Variants in TBC1D32 observed in about 807,000 individuals in gnomAD.
TBC1D32 encodes protein broad-minded.
A neutral mutation model predicts 170.3 loss-of-function variants in TBC1D32; 151 were observed. The observed-to-expected ratio is 0.89, with a 90% CI of 0.78 to 1.01. The LOEUF is 1.01. TBC1D32 is among the 50% of genes least tolerant of loss of function. TBC1D32 has a pLI of 0.00. For missense variants in TBC1D32, 1,464 were observed against 1,457.1 expected (o/e 1.00, Z -0.08); for synonymous variants, 498 against 488.0 (o/e 1.02, Z -0.27).
chr6:121,309,153 T>C (rs1241181947), intron 4 of TBC1D32, among the ~76,000 whole-genome samples: 6 of 152,194 alleles, frequency 3.9e-5, no homozygotes, highest in Non-Finnish European at 7.3e-5. Flanking sequence ...ACTTTATTTG[T>C]GATAGGCAGC....
intron 29 of TBC1D32, among the ~76,000 whole-genome samples, chr6:121,106,793 A>G (rs1030966464): frequency 6.6e-6 from 1 of 151,982 alleles, no homozygotes; most frequent in African/African-American, 2.4e-5. Flanking sequence ...GTTTATTTCC[A>G]TATAATTTTA....
chr6:121,180,191 T>C (rs141425987), intron 22 of TBC1D32, among the ~76,000 whole-genome samples: 3 of 152,202 alleles, frequency 2.0e-5, no homozygotes, highest in East Asian at 3.9e-4. Flanking sequence ...CTCAATACAA[T>C]GATAATTAAA....
chr6:121,200,618 G>T (rs1383375117), intron 22 of TBC1D32, among the ~76,000 whole-genome samples: 1 of 151,482 alleles, frequency 6.6e-6, no homozygotes, highest in East Asian at 1.9e-4. Context: ...GAAAGTAGAA[G>T]AAAATAATAC....
rs1174849317 is a variant in TBC1D32 at position 121,242,182 on chromosome 6, G to T, written c.2157+19C>A. 1.2e-6 allele frequency: 2 copies of T among 1,605,394 alleles called. No individual in the cohort carries two copies. Among genetic ancestry groups the T allele is most frequent in the African/African-American group, 1.3e-5 (1 of 74,482 alleles). On this transcript the variant is annotated intron_variant, in intron 18 of 31. Transcript: ENST00000398212. ...AACCACAAAAATTCCCTTTGCCTTT[G>T]GCAGATGGTAATTCATACCTGTAAT...
At chr6:121,150,890 C>CT (rs140518198) in intron 24 of TBC1D32, among the ~76,000 whole-genome samples, 103,931 of 151,814 alleles carry the variant, frequency 0.68, 40,800 homozygotes, top group Non-Finnish European at 0.87. Flanking sequence ...TGATTCTTCT[C>CT]TTTTTTCTTC....
rs191562067 is a variant in TBC1D32, at chr6:121,215,291, C to G, written c.2481+7945G>C. Among the ~76,000 whole-genome samples, 37 of 152,344 alleles carry G rather than the reference C, an allele frequency of 2.4e-4. No individual in the cohort carries two copies. In the East Asian group the frequency reaches 7.1e-3, roughly 29 times the overall value. On this transcript the variant is annotated intron_variant, in intron 21 of 31. Transcript: ENST00000398212. Reference sequence around the variant, plus strand: ...ACCATGGCTTGAAGGTGGGGCTTCACCAGGGATCCACCACTATCTACCCAC... The same window carrying G: ...ACCATGGCTTGAAGGTGGGGCTTCAGCAGGGATCCACCACTATCTACCCAC...
chr6:121,272,201 G>A (rs891739869), intron 15 of TBC1D32, among the ~76,000 whole-genome samples: 1 of 152,080 alleles, frequency 6.6e-6, no homozygotes, highest in African/African-American at 2.4e-5. Context: ...ACATGGGCAA[G>A]GACTTCATGA....
chr6:121,316,768 G>A (rs1808987794), intron 3 of TBC1D32, among the ~76,000 whole-genome samples: 1 of 152,076 alleles, frequency 6.6e-6, no homozygotes, highest in African/African-American at 2.4e-5. Flanking sequence ...TTGGTATATG[G>A]TTAGGATCTA....
At chr6:121,101,700 C>G (rs1193756601) in intron 30 of TBC1D32, among the ~76,000 whole-genome samples, 2 of 152,258 alleles carry the variant, frequency 1.3e-5, no homozygotes, top group African/African-American at 4.8e-5. Context: ...CCCTCTCTCA[C>G]CACTCCTATT....
chr6:121,097,692 G>A (rs1295966330), intron 30 of TBC1D32, among the ~76,000 whole-genome samples: 1 of 152,068 alleles, frequency 6.6e-6, no homozygotes, highest in African/African-American at 2.4e-5. Context: ...CCCATTACTG[G>A]TTATATACTG....
chr6:121,197,513 T>C (rs1790892865), intron 22 of TBC1D32, among the ~76,000 whole-genome samples: 1 of 152,210 alleles, frequency 6.6e-6, no homozygotes, highest in Admixed American at 6.5e-5. Flanking sequence ...TGTATACACT[T>C]GTACTAAGAC....
chr6:121,281,556 C>G lies in TBC1D32; in HGVS notation c.1596G>C (p.Met532Ile). 6.2e-7 allele frequency: 1 copy of G among 1,605,514 alleles called. No homozygotes were observed. Among genetic ancestry groups the G allele is most frequent in the Non-Finnish European group, 8.5e-7 (1 of 1,175,416 alleles). The change falls in exon 14 of 32, where the codon ATG (methionine) becomes ATC (isoleucine). Residue 532 changes from methionine to isoleucine, a missense_variant. This residue lies in a region of TBC1D32 where 1,363 missense variants were observed against 1,338.1 expected (regional missense o/e 1.02). Transcript: ENST00000398212. ...AAATAATACGAACCTCATTTCCTTT[C>G]ATTAAATTGTGAATAGGCTGAAGAA... is the stretch of plus-strand genomic sequence containing the variant. Reference protein sequence around the residue: ...ETLLQPIHNLMKGNEASPNCS... With the variant: ...ETLLQPIHNLIKGNEASPNCS...
At chr6:121,191,095 C>T (rs1438322050) in intron 22 of TBC1D32, among the ~76,000 whole-genome samples, 4 of 151,714 alleles carry the variant, frequency 2.6e-5, no homozygotes, top group South Asian at 4.2e-4. Context: ...GGTTAAGATA[C>T]ATATGCATGT....
intron 15 of TBC1D32, among the ~76,000 whole-genome samples, chr6:121,269,300 T>C (rs1207945027): frequency 6.6e-6 from 1 of 152,112 alleles, no homozygotes; most frequent in East Asian, 1.9e-4. Context: ...ATGCTCCAAT[T>C]AAAAGACATA....
intron 1 of TBC1D32, among the ~76,000 whole-genome samples, chr6:121,333,646 G>C (rs1440776131): frequency 6.6e-6 from 1 of 152,198 alleles, no homozygotes; most frequent in Non-Finnish European, 1.5e-5. Flanking sequence ...ATACTGACAG[G>C]AATCCCTTGA....
chr6:121,172,290 C>T (rs1239547963), intron 22 of TBC1D32, among the ~76,000 whole-genome samples: 1 of 152,110 alleles, frequency 6.6e-6, no homozygotes, highest in Non-Finnish European at 1.5e-5. Flanking sequence ...TTTTGGGCTC[C>T]TCCTACCTTT....
At chr6:121,153,904 C>A (rs1784514177) in intron 24 of TBC1D32, among the ~76,000 whole-genome samples, 1 of 152,060 alleles carries the variant, frequency 6.6e-6, no homozygotes, top group South Asian at 2.1e-4. Flanking sequence ...GAATTTCAAG[C>A]CAGTAGATCT....
chr6:121,241,157 A>T (rs1398657412), intron 19 of TBC1D32, among the ~76,000 whole-genome samples: 2 of 152,130 alleles, frequency 1.3e-5, no homozygotes, highest in Non-Finnish European at 2.9e-5. Context: ...TATTCTTCTG[A>T]TTTATAAGAT....
intron 15 of TBC1D32, among the ~76,000 whole-genome samples, chr6:121,274,010 A>G (rs191558495): frequency 3.9e-4 from 59 of 152,210 alleles, no homozygotes; most frequent in African/African-American, 1.3e-3. Flanking sequence ...TCTTTGCTCA[A>G]TTAAACTCTG....
Sources: allele counts gnomAD v4.1 joint callset (sites outside exome capture counted in the v4.1 genomes callset), GRCh38; gene constraint gnomAD v4.1.1; regional missense constraint gnomAD v4.1.1; transcripts MANE v1.5; gene names NCBI Gene and HGNC (gene_info 2026-07-23, HGNC 2026-07-21).